Variants in TRHDE observed in about 807,000 individuals in gnomAD.
The protein encoded by TRHDE is thyrotropin-releasing hormone-degrading ectoenzyme.
In TRHDE, 72 loss-of-function variants were observed where a neutral mutation model predicts 125.7. The ratio of observed to expected loss-of-function variants is 0.57; its 90% CI spans 0.47 to 0.70. The LOEUF is 0.70. Ranked by LOEUF, TRHDE falls within the 30% of genes least tolerant of loss-of-function variation. The pLI, the probability that TRHDE is intolerant of heterozygous loss-of-function variation, is 0.00. For synonymous variants in TRHDE, 509 were observed against 509.1 expected, an observed-to-expected ratio of 1.00 and a Z score of 0.00; for missense variants, 1,110 against 1,327.1, an observed-to-expected ratio of 0.84 and a Z score of 2.54.
At chr12:72,408,683 G>A (rs370897726) in intron 3 of TRHDE, among the ~76,000 whole-genome samples, 3 of 152,070 alleles carry the variant, frequency 2.0e-5, no homozygotes, top group Non-Finnish European at 4.4e-5. Context: ...TAGAATACTC[G>A]AAAAGTACCC....
Position 72,317,823 on chromosome 12 carries a change from T to C in TRHDE, c.1188+30869T>C, listed in dbSNP as rs557093633. Among the ~76,000 whole-genome samples the C allele has an allele frequency of 3.9e-5, 6 of 152,156 alleles. No homozygotes were observed. The East Asian group carries it at 9.7e-4, about 25-fold the overall frequency. The stretch of plus-strand genomic sequence containing the variant: ...ATTCAACGGATAACAATGGCATGCG[T>C]AAAGGTATGAAATATTTGGGAAACA... On this transcript the variant is annotated intron_variant, in intron 2 of 18. Coordinates refer to ENST00000261180, the MANE Select transcript of TRHDE (RefSeq NM_013381.3).
chr12:72,516,877 G>T (rs1014768622), intron 6 of TRHDE, among the ~76,000 whole-genome samples: 1 of 152,006 alleles, frequency 6.6e-6, no homozygotes, highest in African/African-American at 2.4e-5. Context: ...TTTGTCAAAG[G>T]CCTTTTCTGC....
At chr12:72,103,097 T>G (rs1875105544) in intron 1 of TRHDE, among the ~76,000 whole-genome samples, 1 of 152,214 alleles carries the variant, frequency 6.6e-6, no homozygotes. Flanking sequence ...GTGCATGAAA[T>G]TCCATCTCAG....
chr12:72,352,511 A>G (rs1870627065), intron 2 of TRHDE, among the ~76,000 whole-genome samples: 1 of 151,802 alleles, frequency 6.6e-6, no homozygotes, highest in Admixed American at 6.6e-5. Context: ...TAAGATGAAG[A>G]CAGTTACTTT....
At chr12:72,585,973 C>T (rs1206990012) in intron 12 of TRHDE, among the ~76,000 whole-genome samples, 1 of 152,110 alleles carries the variant, frequency 6.6e-6, no homozygotes, top group African/African-American at 2.4e-5. Flanking sequence ...TGTCTCATTA[C>T]GATCTTTTCC....
At chr12:72,178,016 T>C (rs937670275) in intron 2 of TRHDE, among the ~76,000 whole-genome samples, 1 of 152,158 alleles carries the variant, frequency 6.6e-6, no homozygotes, top group African/African-American at 2.4e-5. Flanking sequence ...AATAGTTTTT[T>C]AAAGATCACT....
intron 3 of TRHDE, among the ~76,000 whole-genome samples, chr12:72,429,355 T>TAAG (rs1193413012): frequency 2.0e-5 from 3 of 148,852 alleles, no homozygotes; most frequent in African/African-American, 7.4e-5. Flanking sequence ...ATAATAATAA[T>TAAG]AATAATAATA....
chr12:72,628,055 A>T (rs948878334), intron 15 of TRHDE, among the ~76,000 whole-genome samples: 1 of 151,892 alleles, frequency 6.6e-6, no homozygotes, highest in Non-Finnish European at 1.5e-5. Context: ...AAACTCTTAC[A>T]GTACTTGATT....
chr12:72,460,122 G>T (rs56270780), intron 3 of TRHDE, among the ~76,000 whole-genome samples: 1 of 152,086 alleles, frequency 6.6e-6, no homozygotes, highest in South Asian at 2.1e-4. Context: ...ATACAAAACC[G>T]TCCTTAAAAA....
chr12:72,130,607 A>G (rs1418579087), intron 2 of TRHDE, among the ~76,000 whole-genome samples: 1 of 152,240 alleles, frequency 6.6e-6, no homozygotes, highest in Non-Finnish European at 1.5e-5. Context: ...TAGGGGCAAC[A>G]TTAATGGATT....
intron 3 of TRHDE, among the ~76,000 whole-genome samples, chr12:72,433,534 A>C (rs10879428): frequency 0.23 from 35,361 of 151,556 alleles, 4,615 homozygotes; most frequent in East Asian, 0.49. Context: ...CAAGCTGAAG[A>C]AAAGGCAATT....
intron 2 of TRHDE, among the ~76,000 whole-genome samples, chr12:72,360,558 T>C (rs1022018563): frequency 1.3e-5 from 2 of 151,734 alleles, no homozygotes; most frequent in Non-Finnish European, 2.9e-5. Flanking sequence ...TTCATACCCA[T>C]TGTTTAACAA....
At chr12:72,621,441 G>C in intron 14 of TRHDE, 1 of 589,294 alleles carries the variant, frequency 1.7e-6, no homozygotes. Flanking sequence ...GTGATATTGA[G>C]ATCAGAACCC....
At chr12:72,355,653 T>C (rs12306622) in intron 2 of TRHDE, among the ~76,000 whole-genome samples, 5 of 151,590 alleles carry the variant, frequency 3.3e-5, no homozygotes, top group Non-Finnish European at 5.9e-5. Context: ...TGCAAACTAT[T>C]CATCTGACAA....
intron 1 of TRHDE, among the ~76,000 whole-genome samples, chr12:72,102,152 A>G (rs1257465465): frequency 1.3e-5 from 2 of 152,162 alleles, no homozygotes; most frequent in Non-Finnish European, 2.9e-5. Context: ...TAGCCCTCAG[A>G]TATATTTAGG....
chr12:72,189,478 G>T (rs553988387), intron 2 of TRHDE, among the ~76,000 whole-genome samples: 4 of 152,164 alleles, frequency 2.6e-5, no homozygotes, highest in Non-Finnish European at 5.9e-5. Context: ...AAAACAGGAA[G>T]AACTACTTTA....
intron 2 of TRHDE, among the ~76,000 whole-genome samples, chr12:72,238,551 C>T (rs894900725): frequency 1.3e-5 from 2 of 150,822 alleles, no homozygotes; most frequent in African/African-American, 4.9e-5. Flanking sequence ...TAGCCCCCCA[C>T]CAAACTGGCA....
chr12:72,184,210 C>T (rs1369383133), intron 2 of TRHDE, among the ~76,000 whole-genome samples: 34 of 152,046 alleles, frequency 2.2e-4, no homozygotes, highest in Non-Finnish European at 1.5e-5. Context: ...GGCAGAGGGT[C>T]TTCGGTGCCT....
At chr12:72,295,156 G>A (rs1264296156) in intron 2 of TRHDE, among the ~76,000 whole-genome samples, 1 of 149,144 alleles carries the variant, frequency 6.7e-6, no homozygotes, top group South Asian at 2.2e-4. Context: ...GGGTGGTTGG[G>A]GGGTGGGAGG....
Sources: gnomAD v4.1 joint callset for allele counts (sites outside exome capture counted in the v4.1 genomes callset) on GRCh38, gnomAD v4.1.1 for gene constraint, MANE v1.5 for transcripts, NCBI Gene and HGNC (gene_info 2026-07-23, HGNC 2026-07-21) for gene names.